Variants in TENM2 observed in about 807,000 individuals in gnomAD.
TENM2 encodes teneurin transmembrane protein 2, also known as teneurin-2.
TENM2 carries 52 observed loss-of-function variants against 245.2 expected under a neutral mutation model. The ratio of observed to expected loss-of-function variants is 0.21; its 90% CI spans 0.17 to 0.27. The LOEUF (loss-of-function observed/expected upper bound fraction) is 0.27. TENM2 is among the 10% of genes least tolerant of loss of function. The pLI, the probability that TENM2 is intolerant of heterozygous loss-of-function variation, is 1.00. For missense variants in TENM2, 3,046 were observed against 3,666.8 expected, an observed-to-expected ratio of 0.83 and a Z score of 4.37; for synonymous variants, 1,363 against 1,438.9, an observed-to-expected ratio of 0.95 and a Z score of 1.19.
At chr5:167,445,745 G>A (rs373566023) in intron 2 of TENM2, among the ~76,000 whole-genome samples, 2 of 152,266 alleles carry the variant, frequency 1.3e-5, no homozygotes, top group African/African-American at 4.8e-5. Flanking sequence ...GCCATTGCTT[G>A]TCTGGGAGAT....
At chr5:167,698,059 C>T (rs1041583375) in intron 2 of TENM2, among the ~76,000 whole-genome samples, 1 of 152,104 alleles carries the variant, frequency 6.6e-6, no homozygotes, top group Non-Finnish European at 1.5e-5. Context: ...AATCTATCTC[C>T]AAATGCCACA....
the TENM2 span, among the ~76,000 whole-genome samples, chr5:167,181,517 T>C: frequency 3.3e-5 from 5 of 151,236 alleles, no homozygotes; most frequent in Non-Finnish European, 7.4e-5. Flanking sequence ...TGTATTTTCT[T>C]GTTCACGTAT....
At chr5:167,583,132 C>A (rs1022084874) in intron 2 of TENM2, among the ~76,000 whole-genome samples, 1 of 152,120 alleles carries the variant, frequency 6.6e-6, no homozygotes, top group African/African-American at 2.4e-5. Flanking sequence ...GACTCTTACA[C>A]ACCATTTTAT....
chr5:167,813,475 G>C (rs940287734), intron 2 of TENM2, among the ~76,000 whole-genome samples: 3 of 152,052 alleles, frequency 2.0e-5, no homozygotes, highest in Non-Finnish European at 4.4e-5. Context: ...GAGTGTTGCA[G>C]TGTTGGAGGA....
At chr5:167,032,953 C>T in the TENM2 span, among the ~76,000 whole-genome samples, 3 of 151,972 alleles carry the variant, frequency 2.0e-5, no homozygotes, top group African/African-American at 7.3e-5. Flanking sequence ...AAATTCTCAC[C>T]TGAATGACTT....
intron 12 of TENM2, among the ~76,000 whole-genome samples, chr5:168,131,224 C>T (rs1462084032): frequency 6.6e-6 from 1 of 152,220 alleles, no homozygotes; most frequent in Non-Finnish European, 1.5e-5. Context: ...CAGACTAAAT[C>T]TGCCCACTCT....
the TENM2 span, among the ~76,000 whole-genome samples, chr5:167,175,460 T>C: frequency 2.0e-5 from 3 of 152,384 alleles, no homozygotes; most frequent in East Asian, 1.9e-4. Flanking sequence ...TACTTTTTTG[T>C]GTGTAACATT....
chr5:168,090,281 A>C (rs1008044034), intron 7 of TENM2, among the ~76,000 whole-genome samples: 4 of 151,806 alleles, frequency 2.6e-5, no homozygotes, highest in African/African-American at 9.7e-5. Context: ...ACATACAAAC[A>C]AAAAGAAAAA....
At chr5:167,382,301 G>T (rs1561911005) in intron 2 of TENM2, among the ~76,000 whole-genome samples, 1 of 152,168 alleles carries the variant, frequency 6.6e-6, no homozygotes, top group Non-Finnish European at 1.5e-5. Context: ...CTGTAACAAT[G>T]AAGTTGGAGA....
chr5:167,697,425 A>G (rs1185061419), intron 2 of TENM2, among the ~76,000 whole-genome samples: 2 of 152,246 alleles, frequency 1.3e-5, no homozygotes, highest in East Asian at 1.9e-4. Flanking sequence ...TGACTAGATT[A>G]TAAGCTCCCT....
intron 2 of TENM2, among the ~76,000 whole-genome samples, chr5:167,391,098 G>A (rs1485433961): frequency 6.6e-6 from 1 of 152,034 alleles, no homozygotes; most frequent in Non-Finnish European, 1.5e-5. Flanking sequence ...CATTATCAAA[G>A]AATTATCTAA....
chr5:167,338,159 C>T (rs942099141), intron 1 of TENM2, among the ~76,000 whole-genome samples: 6 of 152,162 alleles, frequency 3.9e-5, no homozygotes, highest in Non-Finnish European at 2.9e-5. Flanking sequence ...GGTTATTCAG[C>T]GGGCTATAGC....
intron 2 of TENM2, among the ~76,000 whole-genome samples, chr5:167,805,499 T>G: frequency 6.6e-6 from 1 of 152,082 alleles, no homozygotes; most frequent in Admixed American, 6.6e-5. Context: ...CACAGAGTGC[T>G]TCACAGGGAG....
chr5:167,169,055 A>G, the TENM2 span, among the ~76,000 whole-genome samples: 59 of 152,326 alleles, frequency 3.9e-4, no homozygotes, highest in South Asian at 0.012. Context: ...CACGTTGCCC[A>G]GCTTGATGCC....
chr5:167,090,093 G>A, the TENM2 span, among the ~76,000 whole-genome samples: 1 of 151,946 alleles, frequency 6.6e-6, no homozygotes, highest in South Asian at 2.1e-4. Flanking sequence ...TGCACAGGTG[G>A]GCTTATTTTT....
the TENM2 span, among the ~76,000 whole-genome samples, chr5:167,084,327 T>TGTTATATATATA: frequency 4.3e-5 from 1 of 23,170 alleles, no homozygotes; most frequent in Non-Finnish European, 1.2e-4. Context: ...GCCATTTTAG[T>TGTTATATATATA]TATATATATA....
chr5:167,523,773 C>T (rs996549194), intron 2 of TENM2, among the ~76,000 whole-genome samples: 6 of 152,016 alleles, frequency 3.9e-5, no homozygotes, highest in African/African-American at 9.7e-5. Flanking sequence ...GAGAGCTTGC[C>T]GCTTTCAGAA....
At chr5:167,779,413 A>G (rs1764032969) in intron 2 of TENM2, among the ~76,000 whole-genome samples, 1 of 152,218 alleles carries the variant, frequency 6.6e-6, no homozygotes, top group Non-Finnish European at 1.5e-5. Context: ...GAACCTCTCT[A>G]GATTTCAATG....
the TENM2 span, chr5:167,116,727 A>G: frequency 6.6e-6 from 1 of 152,130 alleles, no homozygotes; most frequent in African/African-American, 2.4e-5. Context: ...GGGAATGTGA[A>G]GTAACGCAAA....
Sources: gnomAD v4.1 joint callset for allele counts (sites outside exome capture counted in the v4.1 genomes callset) on GRCh38, gnomAD v4.1.1 for gene constraint, MANE v1.5 for transcripts, NCBI Gene and HGNC (gene_info 2026-07-23, HGNC 2026-07-21) for gene names.